The following EEF1E1 variants were observed in gnomAD, a reference collection of about 807,000 sequenced individuals.
EEF1E1 encodes the protein eukaryotic translation elongation factor 1 epsilon-1.
A neutral mutation model predicts 19.9 loss-of-function variants in EEF1E1; 19 were observed. The observed-to-expected ratio is 0.95, with a 90% confidence interval of 0.66 to 1.40. EEF1E1 has a LOEUF of 1.40. EEF1E1 is among the 40% of genes most tolerant of loss of function. The pLI, the probability that EEF1E1 is intolerant of heterozygous loss-of-function variation, is 0.00. For missense variants in EEF1E1, 198 were observed against 202.2 expected (o/e 0.98, Z 0.13); for synonymous variants, 81 against 80.0 (o/e 1.01, Z -0.07).
downstream of EEF1E1, among the ~76,000 whole-genome samples, chr6:8,076,618 C>T (rs1195932764): frequency 6.6e-5 from 10 of 152,054 alleles, no homozygotes; most frequent in African/African-American, 1.9e-4. Flanking sequence ...CCACCACGCC[C>T]GGCCTACAAA....
rs777801774 is a variant in EEF1E1, at chr6:8,079,719, T to C, written c.*171A>G. 4 of 1,274,330 alleles carry C rather than the reference T, an allele frequency of 3.1e-6. No individual in the cohort carries two copies. The highest frequency in any genetic ancestry group is 4.0e-6 in the Non-Finnish European group (4 of 1,007,912). 78.9% of individuals were successfully genotyped at this position (1,274,330 alleles called of 1,614,324 possible). A position where few individuals can be genotyped will look rare whatever the true frequency, so the allele number is the denominator to read the frequency against. On this transcript the variant is annotated 3_prime_UTR_variant, in exon 4 of 4. Coordinates refer to ENST00000379715, the MANE Select transcript of EEF1E1 (RefSeq NM_004280.5). Reference sequence around the variant, plus strand: ...AATTTTGACATAAAAATTGCAAAACTTCAGCTAAAGAACAAATAAAACATT... The same window carrying C: ...AATTTTGACATAAAAATTGCAAAACCTCAGCTAAAGAACAAATAAAACATT...
chr6:8,079,787 A>T lies in EEF1E1; in HGVS notation c.*103T>A. ...TTCAAAAATTCTATCAACTTCAACAAATAATGAATGACTGTATATTAATTT... is the reference window on the plus strand; with the variant it reads ...TTCAAAAATTCTATCAACTTCAACATATAATGAATGACTGTATATTAATTT... On this transcript the variant is annotated 3_prime_UTR_variant, in exon 4 of 4. Transcript: ENST00000379715. 1 of 1,380,388 alleles carries T rather than the reference A, an allele frequency of 7.2e-7. No individual in the cohort carries two copies. 85.5% of individuals were successfully genotyped at this position (1,380,388 alleles called of 1,614,324 possible).
At chr6:8,093,324 C>CTTTTTTTTTTTTTTTTTT (rs57000456) in intron 2 of EEF1E1, among the ~76,000 whole-genome samples, 1 of 135,054 alleles carries the variant, frequency 7.4e-6, no homozygotes, top group Non-Finnish European at 1.6e-5. Context: ...CATTCGCTTC[C>CTTTTTTTTTTTTTTTTTT]TTTTTTTTTT....
intron 1 of EEF1E1, chr6:8,102,166 TG>T: frequency 8.1e-7 from 1 of 1,239,846 alleles, no homozygotes; most frequent in South Asian, 1.7e-5. Context: ...CAACTGGTTT[TG>T]TTTCCTCATA....
Position 8,098,106 on chromosome 6 carries a change from A to G in EEF1E1, c.88-639T>C, listed in dbSNP as rs542933880. On this transcript the variant is annotated intron_variant, in intron 1 of 3. Transcript: ENST00000379715. ...AGACTGCTGCTCTTCTTAGCAATGAAATAGAAATAGTATCTTTTTTTTTTT... is the reference window on the plus strand; with the variant it reads ...AGACTGCTGCTCTTCTTAGCAATGAGATAGAAATAGTATCTTTTTTTTTTT... 9.9e-5 allele frequency among the ~76,000 whole-genome samples: 15 copies of G among 151,518 alleles called. No individual in the cohort carries two copies. In the East Asian group the frequency reaches 2.4e-3, roughly 24 times the overall value.
In EEF1E1 at chr6:8,102,304, C is replaced by G. The variant is rs1758388361; in HGVS notation, c.87+131G>C. 10 of 1,032,110 alleles carry G rather than the reference C, an allele frequency of 9.7e-6. No homozygotes were observed. The South Asian group carries it at 1.7e-4, about 18-fold the overall frequency. The allele number at this position is 1,032,110 out of a possible 1,614,324, so 63.9% of individuals were successfully genotyped here. ...CAGAGGCGCCAGCCGGCTAGCGGCG[C>G]AGACACGTGGGGAGCTGGGTAGCAG... is the stretch of plus-strand genomic sequence containing the variant. On this transcript the variant is annotated intron_variant, in intron 1 of 3. Transcript: ENST00000379715.
At chr6:8,084,056 G>A (rs1219341764) in intron 3 of EEF1E1, among the ~76,000 whole-genome samples, 1 of 152,134 alleles carries the variant, frequency 6.6e-6, no homozygotes, top group Non-Finnish European at 1.5e-5. Context: ...GAGATACTTT[G>A]ACTCATGATA....
At chr6:8,073,570 A>G in intron 3 of EEF1E1, 3 of 1,541,854 alleles carry the variant, frequency 1.9e-6, no homozygotes, top group East Asian at 2.4e-5. Flanking sequence ...AGTGCCTGAT[A>G]CACACTAAAT....
chr6:8,092,874 T>TTTC (rs796162109), intron 2 of EEF1E1, among the ~76,000 whole-genome samples: 31 of 105,650 alleles, frequency 2.9e-4, no homozygotes, highest in African/African-American at 1.2e-3. Context: ...GACTGCTTTT[T>TTTC]TTTTTTTTTT....
At chr6:8,081,685 TA>T (rs1254439464) in intron 3 of EEF1E1, among the ~76,000 whole-genome samples, 1 of 152,144 alleles carries the variant, frequency 6.6e-6, no homozygotes, top group African/African-American at 2.4e-5. Context: ...CAACCAGTAA[TA>T]AAAAGAGCTG....
rs773704583 is a variant in EEF1E1 at position 8,097,419 on chromosome 6, T to C, written c.136A>G (p.Thr46Ala). 26 of 1,614,028 alleles carry C rather than the reference T, an allele frequency of 1.6e-5. 1 individual carries two copies. In the South Asian group the frequency reaches 2.5e-4, roughly 16 times the overall value. ...NNGPSLTGLT[T>A]IAAHLVKQAN... The stretch of plus-strand genomic sequence containing the variant: ...TGCTTGACTAGATGAGCTGCTATAG[T>C]AGTCAATCCTGTTAGACTTGGACCA... Residue 46 changes from threonine to alanine, a missense_variant, in exon 2 of 4, where the codon ACT becomes GCT. Coordinates refer to ENST00000379715, the MANE Select transcript of EEF1E1 (RefSeq NM_004280.5).
chr6:8,081,624 T>C (rs928657645), intron 3 of EEF1E1, among the ~76,000 whole-genome samples: 1 of 152,172 alleles, frequency 6.6e-6, no homozygotes, highest in African/African-American at 2.4e-5. Flanking sequence ...CTTTACCATA[T>C]ATAAACCTCA....
exon 4 of EEF1E1, chr6:8,073,476 T>C: frequency 1.3e-6 from 2 of 1,551,542 alleles, no homozygotes; most frequent in African/African-American, 1.4e-5. Flanking sequence ...GATGTTGGGT[T>C]AGTTCCCTAC....
downstream of EEF1E1, chr6:8,078,708 C>T: frequency 3.9e-6 from 5 of 1,286,558 alleles, no homozygotes; most frequent in Non-Finnish European, 5.1e-6. Context: ...TTACAATCCT[C>T]ATTTTCTTAT....
intron 3 of EEF1E1, among the ~76,000 whole-genome samples, chr6:8,083,052 T>C (rs1757760326): frequency 6.6e-6 from 1 of 152,230 alleles, no homozygotes; most frequent in Non-Finnish European, 1.5e-5. Context: ...TTGATCTGCA[T>C]GCCAGTGTGT....
At chr6:8,096,286 C>T (rs1037580947) in intron 2 of EEF1E1, among the ~76,000 whole-genome samples, 1 of 152,210 alleles carries the variant, frequency 6.6e-6, no homozygotes, top group African/African-American at 2.4e-5. Context: ...CCTGAAATCT[C>T]ACATTCACTT....
chr6:8,084,425 C>T (rs532917863), intron 3 of EEF1E1, among the ~76,000 whole-genome samples: 3 of 152,278 alleles, frequency 2.0e-5, no homozygotes, highest in South Asian at 2.1e-4. Flanking sequence ...CCTCCTTTTC[C>T]GAGTATTTCT....
At chr6:8,090,982 G>C (rs1261941009) in intron 2 of EEF1E1, among the ~76,000 whole-genome samples, 1 of 152,164 alleles carries the variant, frequency 6.6e-6, no homozygotes, top group Non-Finnish European at 1.5e-5. Flanking sequence ...TAATGCTGCT[G>C]TGAACAGGAG....
At chr6:8,073,906 T>C (rs998803682) in intron 3 of EEF1E1, among the ~76,000 whole-genome samples, 1 of 152,248 alleles carries the variant, frequency 6.6e-6, no homozygotes, top group African/African-American at 2.4e-5. Context: ...CTTTTCCTTC[T>C]TTTCTCATTG....
Sources: allele counts gnomAD v4.1 joint callset (sites outside exome capture counted in the v4.1 genomes callset), GRCh38; gene constraint gnomAD v4.1.1; transcripts MANE v1.5; gene names NCBI Gene and HGNC (gene_info 2026-07-23, HGNC 2026-07-21).